C2CD2L: variants seen among roughly 807,000 people sequenced by gnomAD.
C2CD2L encodes phospholipid transfer protein C2CD2L.
A neutral mutation model predicts 69.9 loss-of-function variants in C2CD2L; 24 were observed. That is an observed-to-expected ratio of 0.34 (90% CI 0.25 to 0.48). C2CD2L has a LOEUF of 0.48. C2CD2L is among the 20% of genes least tolerant of loss of function. The pLI is 0.99. For missense variants in C2CD2L, 811 were observed against 941.5 expected, an observed-to-expected ratio of 0.86 and a Z score of 1.81; for synonymous variants, 367 against 391.0, an observed-to-expected ratio of 0.94 and a Z score of 0.72.
rs1234025011 is a variant in C2CD2L at position 119,109,145 on chromosome 11, A to C, written c.355-959A>C. On this transcript the variant is annotated intron_variant, in intron 1 of 13. Transcript: ENST00000648610. The surrounding 1 kb of genome is among the most constrained non-coding windows in gnomAD (Gnocchi z 5.1). The stretch of plus-strand genomic sequence containing the variant: ...TCCCTTGCAGAGGGTGGGGAGATTG[A>C]GGTTTCAAGCATCCATCTCCCCATC... 2.0e-5 allele frequency among the ~76,000 whole-genome samples: 3 copies of C among 152,146 alleles called. No homozygotes were observed.
In C2CD2L at chr11:119,114,689, G is replaced by A. The variant is rs1042741595; in HGVS notation, c.1909+324G>A. ...TAGGCAGGGTGTGGTGGCTCACACCGGCACTTTGGGAGGCCAAGGCGGGTG... is the reference window on the plus strand; with the variant it reads ...TAGGCAGGGTGTGGTGGCTCACACCAGCACTTTGGGAGGCCAAGGCGGGTG... On this transcript the variant is annotated intron_variant, in intron 13 of 13. Coordinates refer to ENST00000648610, the MANE Select transcript of C2CD2L (RefSeq NM_001290474.2). The surrounding 1 kb of genome is among the most constrained non-coding windows in gnomAD (Gnocchi z 5.1). 3.0e-6 allele frequency: 1 copy of A among 336,522 alleles called. No homozygotes were observed. The highest frequency in any genetic ancestry group is 7.8e-5 in the East Asian group (1 of 12,822). The allele number at this position is 336,522 out of a possible 1,614,324, so 20.8% of individuals were successfully genotyped here. A position where few individuals can be genotyped will look rare whatever the true frequency, so the allele number is the denominator to read the frequency against.
chr11:119,107,132 T>C (rs1946605511), upstream of C2CD2L: 1 of 152,206 alleles, frequency 6.6e-6, no homozygotes, highest in Non-Finnish European at 1.5e-5. This position sits in a 1 kb window ranked among gnomAD's most constrained non-coding sequence, Gnocchi z 5.4. Context: ...CTTAGGTAAG[T>C]GAAGTTACTC....
chr11:119,110,734 C>A lies in C2CD2L; in HGVS notation c.570+54C>A. ...GGCAGGGGCGGTTCCATTGGCTCAG[C>A]TTCTTCCATTTGTTTCCTCTCTGGG... On this transcript the variant is annotated intron_variant, in intron 3 of 13. Coordinates refer to ENST00000648610, the MANE Select transcript of C2CD2L (RefSeq NM_001290474.2). This position sits in a 1 kb window ranked among gnomAD's most constrained non-coding sequence, Gnocchi z 5.7. 4.3e-6 allele frequency: 7 copies of A among 1,609,468 alleles called. No individual in the cohort carries two copies. Among genetic ancestry groups the A allele is most frequent in the Non-Finnish European group, 6.0e-6 (7 of 1,176,454 alleles).
At chr11:119,108,273 A>G (rs764471476) in intron 1 of C2CD2L, 178 bp downstream of exon 1, 24 of 524,582 alleles carry the variant, frequency 4.6e-5, no homozygotes, top group East Asian at 7.0e-5. Context: ...TAGAAATCCA[A>G]CTGGGTCCCC....
Position 119,113,992 on chromosome 11 carries a change from A to G in C2CD2L, c.1623+4A>G. ...CATCATCTCTGGTGTTTCCAAGGTAACAGGGCTCTGGGGAGAGGAGCTGGG... is the reference window on the plus strand; with the variant it reads ...CATCATCTCTGGTGTTTCCAAGGTAGCAGGGCTCTGGGGAGAGGAGCTGGG... On this transcript the variant is annotated splice_donor_region_variant and intron_variant, in intron 12 of 13. Coordinates refer to ENST00000648610, the MANE Select transcript of C2CD2L (RefSeq NM_001290474.2). 2 of 1,614,044 alleles carry G rather than the reference A, an allele frequency of 1.2e-6. No individual in the cohort carries two copies. The highest frequency in any genetic ancestry group is 1.7e-6 in the Non-Finnish European group (2 of 1,179,916).
rs1399549153 is a variant in C2CD2L, at chr11:119,112,609, G to C, written c.1212G>C (p.Glu404Asp). 2.5e-6 allele frequency: 4 copies of C among 1,608,664 alleles called. No individual in the cohort carries two copies. Among genetic ancestry groups the C allele is most frequent in the Non-Finnish European group, 3.4e-6 (4 of 1,177,938 alleles). The part of the protein sequence containing the change: ...ALGPAATMAV[E>D]LHYEEGSPRN... ...GACCAGCAGCCACCATGGCAGTGGA[G>C]GTGAGAAGCTGACCCCTGGGGTAGG... is the stretch of plus-strand genomic sequence containing the variant. Residue 404 changes from glutamate to aspartate, a missense_variant and splice_region_variant, in exon 9 of 14, where the codon GAG becomes GAC. Transcript: ENST00000648610.
intron 5 of C2CD2L, 25 bp from the exon 6 acceptor site, chr11:119,111,238 T>C (rs1345350528): frequency 6.2e-7 from 1 of 1,612,894 alleles, no homozygotes; most frequent in African/African-American, 1.3e-5. Context: ...GGATTCTTGC[T>C]CTTTGGACCT....
chr11:119,112,221 C>T (rs1008911076), intron 7 of C2CD2L, 107 bp from the exon 8 acceptor site: 9 of 936,588 alleles, frequency 9.6e-6, no homozygotes, highest in African/African-American at 3.3e-5. Context: ...GCATTTATGC[C>T]GTTTTATTTA....
chr11:119,103,696 AAAACAAAC>A (rs911231350), upstream of C2CD2L, among the ~76,000 whole-genome samples: 5 of 151,876 alleles, frequency 3.3e-5, no homozygotes, highest in African/African-American at 7.3e-5. Flanking sequence ...AAACTGTCTC[AAAACAAAC>A]AAACAAACAA....
upstream of C2CD2L, among the ~76,000 whole-genome samples, chr11:119,106,257 G>A (rs188250346): frequency 4.6e-5 from 7 of 152,332 alleles, no homozygotes; most frequent in East Asian, 1.2e-3. Flanking sequence ...TTATTCTCAT[G>A]TGCTCATTCC....
chr11:119,113,361 G>C, intron 10 of C2CD2L: 1 of 523,680 alleles, frequency 1.9e-6, no homozygotes, highest in South Asian at 2.9e-5. Context: ...TACCCCCTCT[G>C]TCCCCGCTCC....
At position 119,112,623 on chromosome 11, in the gene C2CD2L, C is replaced by A. The variant is rs565924451; in HGVS notation, c.1212+14C>A. ...ATGGCAGTGGAGGTGAGAAGCTGAC[C>A]CCTGGGGTAGGTGGGAGGACACAGG... is the stretch of plus-strand genomic sequence containing the variant. On this transcript the variant is annotated intron_variant, in intron 9 of 13. Coordinates refer to ENST00000648610, the MANE Select transcript of C2CD2L (RefSeq NM_001290474.2). The A allele has an allele frequency of 1.2e-5, 20 of 1,607,860 alleles. No homozygotes were observed. The East Asian group carries it at 4.5e-4, about 36-fold the overall frequency.
rs536335953 is a variant in C2CD2L, at chr11:119,109,852, A to G, written c.355-252A>G. Among the ~76,000 whole-genome samples, 7 of 152,280 alleles carry G rather than the reference A, an allele frequency of 4.6e-5. 1 individual carries two copies. Among genetic ancestry groups the G allele is most frequent in the Admixed American group, 3.9e-4 (6 of 15,298 alleles). The stretch of plus-strand genomic sequence containing the variant: ...ATTCCAGGAGGAAGCCAGGGTCTTC[A>G]GCTTAAGGTGATCTAGTCTCTGAGG... On this transcript the variant is annotated intron_variant, in intron 1 of 13. Coordinates refer to ENST00000648610, the MANE Select transcript of C2CD2L (RefSeq NM_001290474.2). This position sits in a 1 kb window ranked among gnomAD's most constrained non-coding sequence, Gnocchi z 5.1.
intron 1 of C2CD2L, chr11:119,108,466 C>T (rs542802777): frequency 5.8e-4 from 121 of 206,954 alleles, no homozygotes; most frequent in Non-Finnish European, 1.1e-3. Context: ...TGCCACCACA[C>T]CCATTTAACA....
rs529684826 is a variant in C2CD2L at position 119,110,635 on chromosome 11, C to T, written c.525C>T (p.Val175=). Residue 175 remains valine (V), a synonymous_variant, in exon 3 of 14, where the codon GTC becomes GTT. Transcript: ENST00000648610. This position sits in a 1 kb window ranked among gnomAD's most constrained non-coding sequence, Gnocchi z 5.7. ...TGACCCAGCAGTCCCCCGCTGCCGT[C>T]TCCATGGAGACCTACCACGTCACTC... ...VSVTQQSPAA[V]SMETYHVTLT... 24 of 1,613,608 alleles carry T rather than the reference C, an allele frequency of 1.5e-5. No individual in the cohort carries two copies. In the South Asian group the frequency reaches 2.6e-4, roughly 18 times the overall value.
At position 119,112,709 on chromosome 11, in the gene C2CD2L, G is replaced by A. The variant is rs772557061; in HGVS notation, c.1222G>A (p.Glu408Lys). ...TCCCACCCCTGGGCAGCTTCACTAT[G>A]AGGAGGGCTCTCCCCGGAACCTGGG... ...AATMAVELHY[E>K]EGSPRNLGTP... The change falls in exon 10 of 14, where the codon GAG (glutamate) becomes AAG (lysine). Residue 408 changes from glutamate (E) to lysine (K), a missense_variant. Glu to Lys is a moderately conservative substitution (Grantham distance 56). Coordinates refer to ENST00000648610, the MANE Select transcript of C2CD2L (RefSeq NM_001290474.2). 3.1e-6 allele frequency: 5 copies of A among 1,613,438 alleles called. No homozygotes were observed. Among genetic ancestry groups the A allele is most frequent in the Admixed American group, 1.7e-5 (1 of 59,962 alleles).
At chr11:119,106,255 A>C (rs1262761679), upstream of C2CD2L, among the ~76,000 whole-genome samples, 1 of 152,194 alleles carries the variant, frequency 6.6e-6, no homozygotes, top group Non-Finnish European at 1.5e-5. Flanking sequence ...TCTTATTCTC[A>C]TGTGCTCATT....
At chr11:119,103,334 T>A (rs1367788123), upstream of C2CD2L, among the ~76,000 whole-genome samples, 4 of 152,194 alleles carry the variant, frequency 2.6e-5, no homozygotes, top group South Asian at 6.2e-4. Context: ...CTTCCCTCTA[T>A]GGCATGTTCC....
upstream of C2CD2L, among the ~76,000 whole-genome samples, chr11:119,103,461 C>G (rs1050193345): frequency 4.6e-5 from 7 of 152,144 alleles, no homozygotes; most frequent in African/African-American, 1.7e-4. Flanking sequence ...CTTTGGTAGG[C>G]GAAGGTGGGT....
Sources: gnomAD v4.1 joint callset for allele counts (sites outside exome capture counted in the v4.1 genomes callset) on GRCh38, gnomAD v4.1.1 for gene constraint, Gnocchi (gnomAD v3.1) non-coding constraint, MANE v1.5 for transcripts, NCBI Gene and HGNC (gene_info 2026-07-23, HGNC 2026-07-21) for gene names.